Variants in MGA observed in about 807,000 individuals in gnomAD.
The protein encoded by MGA is MAX dimerization protein MGA.
A neutral mutation model predicts 261.1 loss-of-function variants in MGA; 40 were observed. The observed-to-expected ratio is 0.15, with a 90% CI of 0.12 to 0.20. The LOEUF (loss-of-function observed/expected upper bound fraction) is 0.20. MGA is among the 10% of genes least tolerant of loss of function. The pLI is 1.00. For synonymous variants in MGA, 1,302 were observed against 1,290.6 expected, an observed-to-expected ratio of 1.01 and a Z score of -0.19; for missense variants, 3,397 against 3,630.5, an observed-to-expected ratio of 0.94 and a Z score of 1.65.
intron 17 of MGA, 70 bp from the exon 18 acceptor site, chr15:41,754,367 C>T: frequency 7.1e-7 from 1 of 1,412,958 alleles, no homozygotes; most frequent in Non-Finnish European, 9.4e-7. Context: ...ATAAGGGGAA[C>T]AAACATTTGA....
intron 10 of MGA, among the ~76,000 whole-genome samples, chr15:41,728,326 A>G (rs1389139406): frequency 6.6e-6 from 1 of 152,136 alleles, no homozygotes; most frequent in African/African-American, 2.4e-5. Context: ...GCAAGACTCC[A>G]TCTCAAAAAC....
chr15:41,719,557 A>G lies in MGA; in HGVS notation c.3430+6061A>G, dbSNP rs200286072. ...GGAGTTCATGACCAGCCTGGGCAAC[A>G]TGGCGAAACCCTGTCTCTACCAAAA... is the stretch of plus-strand genomic sequence containing the variant. On this transcript the variant is annotated intron_variant, in intron 9 of 23. Transcript: ENST00000219905. Among the ~76,000 whole-genome samples, 45 of 152,290 alleles carry G rather than the reference A, an allele frequency of 3.0e-4. No homozygotes were observed. The East Asian group carries it at 8.3e-3, about 28-fold the overall frequency.
At position 41,742,735 on chromosome 15, in the gene MGA, C is replaced by G. The variant is rs1342850087; in HGVS notation, c.4775C>G (p.Pro1592Arg). The stretch of plus-strand genomic sequence containing the variant: ...TCTGAGCCAGTTCAGGTGTGCAGCC[C>G]TGTGACTGCTGCTGTCACTACTACC... The change falls in exon 15 of 24, where the codon CCT becomes CGT. Residue 1592 changes from proline (P) to arginine (R), a missense_variant. Physicochemically the swap from Pro to Arg is moderately radical, Grantham distance 103. Coordinates refer to ENST00000219905, the MANE Select transcript of MGA (RefSeq NM_001164273.2). 1 of 1,614,014 alleles carries G rather than the reference C, an allele frequency of 6.2e-7. No homozygotes were observed. Among genetic ancestry groups the G allele is most frequent in the Admixed American group, 1.7e-5 (1 of 60,026 alleles).
rs1445337778 is a variant in MGA, at chr15:41,762,471, T to TG, written c.7744+109_7744+110insG. 28 of 681,486 alleles carry TG rather than the reference T, an allele frequency of 4.1e-5. No individual in the cohort carries two copies. In the Admixed American group the frequency reaches 9.3e-4, roughly 23 times the overall value. 42.2% of individuals were successfully genotyped at this position (681,486 alleles called of 1,614,324 possible). A position where few individuals can be genotyped will look rare whatever the true frequency, so the allele number is the denominator to read the frequency against. ...TTTTAGTTTTGTGTGGTTTTTTTTTTTTTTTTTTTTTTTTTTTTTTGGAGA... is the reference window on the plus strand; with the variant it reads ...TTTTAGTTTTGTGTGGTTTTTTTTTTGTTTTTTTTTTTTTTTTTTTTGGAGA... On this transcript the variant is annotated intron_variant, in intron 22 of 23. Coordinates refer to ENST00000219905, the MANE Select transcript of MGA (RefSeq NM_001164273.2).
intron 5 of MGA, among the ~76,000 whole-genome samples, chr15:41,704,062 C>T (rs1436879798): frequency 3.3e-5 from 5 of 152,130 alleles, no homozygotes; most frequent in African/African-American, 2.4e-5. Context: ...GTCTGCCCGC[C>T]TTGGCCTCCT....
chr15:41,694,199 C>T (rs1286376910), intron 2 of MGA, among the ~76,000 whole-genome samples: 10 of 151,816 alleles, frequency 6.6e-5, no homozygotes, highest in Non-Finnish European at 2.9e-5. Flanking sequence ...GGGCGGATCA[C>T]GAGGTTAGGA....
At chr15:41,642,980 C>G (rs1189285667) in intron 1 of MGA, among the ~76,000 whole-genome samples, 1 of 149,174 alleles carries the variant, frequency 6.7e-6, no homozygotes, top group Non-Finnish European at 1.5e-5. Context: ...GTGGCATGGT[C>G]AGGGCTCACT....
chr15:41,688,555 C>A (rs969338197), intron 2 of MGA, among the ~76,000 whole-genome samples: 1 of 152,072 alleles, frequency 6.6e-6, no homozygotes, highest in African/African-American at 2.4e-5. Context: ...CTGTTTTAAC[C>A]TTTGGCTTTT....
chr15:41,671,442 G>A (rs1867416), intron 2 of MGA, among the ~76,000 whole-genome samples: 114,694 of 151,798 alleles, frequency 0.76, 44,547 homozygotes, highest in East Asian at 0.89. Flanking sequence ...TCCTGCCTCA[G>A]CCTCCCAAGT....
At chr15:41,676,331 C>T (rs546691542) in intron 2 of MGA, among the ~76,000 whole-genome samples, 6 of 152,240 alleles carry the variant, frequency 3.9e-5, no homozygotes, top group South Asian at 4.1e-4. Context: ...TTCAGGCACC[C>T]GCCACCAAAC....
intron 1 of MGA, among the ~76,000 whole-genome samples, chr15:41,644,447 G>A (rs2056893815): frequency 6.6e-6 from 1 of 151,852 alleles, no homozygotes; most frequent in African/African-American, 2.4e-5. Context: ...CTTGAGTCCA[G>A]GAGTTTGAGA....
intron 2 of MGA, among the ~76,000 whole-genome samples, chr15:41,685,922 G>A (rs906837690): frequency 2.0e-5 from 3 of 151,322 alleles, no homozygotes; most frequent in Admixed American, 2.0e-4. Flanking sequence ...GGAGAATGGC[G>A]TGTACCCGGG....
chr15:41,631,898 A>T (rs2056596490), intron 1 of MGA, among the ~76,000 whole-genome samples: 1 of 151,964 alleles, frequency 6.6e-6, no homozygotes, highest in Admixed American at 6.6e-5. Context: ...CTTTTTTTTT[A>T]AATGGCAAGT....
Position 41,669,245 on chromosome 15 carries a change from A to G in MGA, c.351A>G (p.Ser117=). The G allele has an allele frequency of 6.2e-7, 1 of 1,614,048 alleles. No homozygotes were observed. Among genetic ancestry groups the G allele is most frequent in the East Asian group, 2.2e-5 (1 of 44,888 alleles). ...GTTATTGGATAACAGGTTTAGATTC[A>G]AATTTGAAGTATATTCTTGTCATGG... The change falls in exon 2 of 24, where the codon TCA becomes TCG. Residue 117 remains serine, a synonymous_variant. Transcript: ENST00000219905.
intron 2 of MGA, among the ~76,000 whole-genome samples, chr15:41,683,949 T>A (rs1328895654): frequency 6.6e-6 from 1 of 152,130 alleles, no homozygotes; most frequent in Non-Finnish European, 1.5e-5. Context: ...TATTTTAAGT[T>A]CCTGGATACA....
intron 2 of MGA, among the ~76,000 whole-genome samples, chr15:41,673,316 C>G (rs1315908549): frequency 6.6e-6 from 1 of 151,942 alleles, no homozygotes; most frequent in Non-Finnish European, 1.5e-5. Context: ...CTCCTGGGTT[C>G]AAGCGATTCT....
chr15:41,666,656 A>G (rs1011794584), intron 1 of MGA, among the ~76,000 whole-genome samples: 3 of 152,232 alleles, frequency 2.0e-5, no homozygotes, highest in Admixed American at 1.3e-4. Flanking sequence ...TACGCTTAAT[A>G]TATCTTGTAG....
Position 41,711,607 on chromosome 15 carries a change from C to T in MGA, c.3084+258C>T, listed in dbSNP as rs193199379. ...ACCTCTCTCTCCTGTATAAAGGCAACTGACCATTCTGAAAATCTCTGATTT... is the reference window on the plus strand; with the variant it reads ...ACCTCTCTCTCCTGTATAAAGGCAATTGACCATTCTGAAAATCTCTGATTT... On this transcript the variant is annotated intron_variant, in intron 8 of 23. Coordinates refer to ENST00000219905, the MANE Select transcript of MGA (RefSeq NM_001164273.2). Among the ~76,000 whole-genome samples the T allele has an allele frequency of 2.6e-5, 4 of 152,276 alleles. No individual in the cohort carries two copies. In the East Asian group the frequency reaches 7.7e-4, roughly 29 times the overall value.
intron 12 of MGA, among the ~76,000 whole-genome samples, chr15:41,734,809 A>T (rs2061684221): frequency 6.6e-6 from 1 of 152,022 alleles, no homozygotes; most frequent in Admixed American, 6.5e-5. Context: ...AAATTCATTC[A>T]TGTTGATAAA....
Sources: allele counts gnomAD v4.1 joint callset (sites outside exome capture counted in the v4.1 genomes callset), GRCh38; gene constraint gnomAD v4.1.1; transcripts MANE v1.5; gene names NCBI Gene and HGNC (gene_info 2026-07-23, HGNC 2026-07-21).